Variants in WWOX observed in about 807,000 individuals in gnomAD.
WWOX encodes the protein WW domain containing oxidoreductase.
A neutral mutation model predicts 46.2 loss-of-function variants in WWOX; 69 were observed. The observed-to-expected ratio is 1.49, with a 90% CI of 1.23 to 1.82. WWOX has a LOEUF of 1.82. WWOX is among the 40% of genes most tolerant of loss of function. The probability of loss-of-function intolerance (pLI) is 0.00; values close to 1 mark genes in which losing one functional copy is unlikely to be tolerated. For missense variants in WWOX, 919 were observed against 542.6 expected (o/e 1.69, Z -6.89); for synonymous variants, 359 against 202.6 (o/e 1.77, Z -6.56).
intron 8 of WWOX, among the ~76,000 whole-genome samples, chr16:78,646,576 T>C (rs2046849982): frequency 1.3e-5 from 2 of 152,064 alleles, no homozygotes; most frequent in African/African-American, 4.8e-5. Flanking sequence ...TACACGTATG[T>C]ACCACTACTC....
chr16:79,015,367 T>C (rs142322470), intron 8 of WWOX, among the ~76,000 whole-genome samples: 1,713 of 152,342 alleles, frequency 0.011, 27 homozygotes, highest in South Asian at 0.059. Context: ...ACATGCTTTT[T>C]GATTTTTCTT....
At chr16:78,831,130 A>G (rs1426087011) in intron 8 of WWOX, among the ~76,000 whole-genome samples, 5 of 152,094 alleles carry the variant, frequency 3.3e-5, no homozygotes, top group East Asian at 1.9e-4. Context: ...TGGCTGGTGG[A>G]GGGGCTTGCA....
intron 5 of WWOX, among the ~76,000 whole-genome samples, chr16:78,332,729 T>C (rs1287363901): frequency 1.3e-5 from 2 of 152,202 alleles, no homozygotes; most frequent in African/African-American, 4.8e-5. Context: ...TCATGATGAC[T>C]GAGGATCACT....
chr16:78,219,949 A>G (rs890082100), intron 5 of WWOX, among the ~76,000 whole-genome samples: 3 of 152,210 alleles, frequency 2.0e-5, no homozygotes, highest in African/African-American at 4.8e-5. Flanking sequence ...TGAACTATAT[A>G]TATCACAATA....
intron 6 of WWOX, among the ~76,000 whole-genome samples, chr16:78,407,457 T>C (rs1040411387): frequency 1.3e-5 from 2 of 152,206 alleles, no homozygotes; most frequent in Non-Finnish European, 1.5e-5. Flanking sequence ...AGAGTGTTTA[T>C]TTAATCTGCA....
rs1004450746 is a variant in WWOX, at chr16:78,537,333, C to T, written c.1056+104581C>T. 1.1e-4 allele frequency among the ~76,000 whole-genome samples: 16 copies of T among 152,292 alleles called. 1 individual carries two copies. Among genetic ancestry groups the T allele is most frequent in the Non-Finnish European group, 2.1e-4 (14 of 68,020 alleles). ...AAATAACCCAATGATACATGATATG[C>T]ATTTTCTAGGTAGATAGATGAAGGG... On this transcript the variant is annotated intron_variant, in intron 8 of 8. Transcript: ENST00000566780.
chr16:78,802,930 A>AC (rs2050930031), intron 8 of WWOX, among the ~76,000 whole-genome samples: 1 of 117,908 alleles, frequency 8.5e-6, no homozygotes, highest in African/African-American at 3.2e-5. Context: ...AAAAAAAAAA[A>AC]AAAAAAAAAA....
intron 8 of WWOX, among the ~76,000 whole-genome samples, chr16:78,889,290 A>C (rs2044536177): frequency 6.6e-6 from 1 of 151,926 alleles, no homozygotes; most frequent in African/African-American, 2.4e-5. Flanking sequence ...TTCACACTGC[A>C]ATGGTGCATA....
intron 8 of WWOX, among the ~76,000 whole-genome samples, chr16:78,863,661 A>G (rs1404618096): frequency 6.6e-6 from 1 of 152,204 alleles, no homozygotes; most frequent in South Asian, 2.1e-4. Context: ...TCTGGAGCCC[A>G]GCATAGTGCC....
intron 8 of WWOX, among the ~76,000 whole-genome samples, chr16:78,711,726 A>T (rs1442523635): frequency 1.3e-5 from 2 of 152,186 alleles, no homozygotes; most frequent in African/African-American, 4.8e-5. Flanking sequence ...GTTCCCTCCA[A>T]TTCCCATGTT....
At chr16:79,074,407 TC>T (rs2048612121) in intron 8 of WWOX, among the ~76,000 whole-genome samples, 1 of 123,094 alleles carries the variant, frequency 8.1e-6, no homozygotes, top group African/African-American at 3.1e-5. Context: ...ATGTCACTAG[TC>T]CTTTTTTTTT....
chr16:78,336,038 G>A (rs949525172), intron 5 of WWOX, among the ~76,000 whole-genome samples: 2 of 151,972 alleles, frequency 1.3e-5, no homozygotes, highest in African/African-American at 4.8e-5. Flanking sequence ...GTTGCAGTGA[G>A]CCGAGATCAG....
intron 5 of WWOX, among the ~76,000 whole-genome samples, chr16:78,230,517 A>G (rs905974508): frequency 2.6e-5 from 4 of 152,220 alleles, no homozygotes; most frequent in African/African-American, 9.6e-5. Flanking sequence ...TAATTGATGA[A>G]CATGTTTGCT....
intron 8 of WWOX, among the ~76,000 whole-genome samples, chr16:78,502,726 G>C (rs1048522861): frequency 1.3e-5 from 2 of 152,174 alleles, no homozygotes; most frequent in African/African-American, 4.8e-5. Flanking sequence ...CACTGGGCAA[G>C]TGTCTTAAAA....
intron 8 of WWOX, among the ~76,000 whole-genome samples, chr16:78,544,228 C>T (rs1480099113): frequency 6.6e-6 from 1 of 152,162 alleles, no homozygotes; most frequent in African/African-American, 2.4e-5. Flanking sequence ...CACTAATATT[C>T]TCTCTGACTA....
intron 4 of WWOX, among the ~76,000 whole-genome samples, chr16:78,160,241 G>A (rs1490963825): frequency 6.6e-6 from 1 of 151,644 alleles, no homozygotes; most frequent in Non-Finnish European, 1.5e-5. Flanking sequence ...GGAGTGAAGT[G>A]GCATGATCAT....
intron 5 of WWOX, among the ~76,000 whole-genome samples, chr16:78,381,593 T>G (rs1177267422): frequency 1.3e-5 from 2 of 152,220 alleles, no homozygotes; most frequent in African/African-American, 4.8e-5. Flanking sequence ...TAAAATACAT[T>G]AACATTTCTG....
intron 8 of WWOX, among the ~76,000 whole-genome samples, chr16:78,768,181 C>G (rs1334277381): frequency 7.1e-6 from 1 of 141,712 alleles, no homozygotes; most frequent in Non-Finnish European, 1.5e-5. Context: ...ATTTTATAAG[C>G]AAAGAAGTAC....
chr16:78,296,908 T>G (rs974512424), intron 5 of WWOX, among the ~76,000 whole-genome samples: 1 of 152,214 alleles, frequency 6.6e-6, no homozygotes, highest in Admixed American at 6.5e-5. Flanking sequence ...TTCTTCAGAT[T>G]ATTAAGATTT....
Sources: gnomAD v4.1 joint callset for allele counts (sites outside exome capture counted in the v4.1 genomes callset) on GRCh38, gnomAD v4.1.1 for gene constraint, MANE v1.5 for transcripts, NCBI Gene and HGNC (gene_info 2026-07-23, HGNC 2026-07-21) for gene names.